The following BMERB1 variants were observed in gnomAD, a reference collection of about 807,000 sequenced individuals.
The protein encoded by BMERB1 is bMERB domain containing 1.
In BMERB1, 12 loss-of-function variants were observed where a neutral mutation model predicts 23.6. The ratio of observed to expected loss-of-function variants is 0.51; its 90% CI spans 0.33 to 0.82. The LOEUF (loss-of-function observed/expected upper bound fraction) is 0.82, where lower values mean the gene tolerates loss of function less well. Ranked by LOEUF, BMERB1 falls within the 40% of genes least tolerant of loss-of-function variation. The pLI, the probability that BMERB1 is intolerant of heterozygous loss-of-function variation, is 0.03. For missense variants in BMERB1, 247 were observed against 255.4 expected (o/e 0.97, Z 0.22); for synonymous variants, 122 against 96.6 (o/e 1.26, Z -1.54).
At chr16:15,441,769 G>A (rs1364769979) in intron 1 of BMERB1, among the ~76,000 whole-genome samples, 1 of 152,114 alleles carries the variant, frequency 6.6e-6, no homozygotes, top group Non-Finnish European at 1.5e-5. Context: ...CAATCTGCCT[G>A]TCTCAGCCTC....
chr16:15,501,255 C>A (rs1287203582), intron 1 of BMERB1, among the ~76,000 whole-genome samples: 2 of 149,614 alleles, frequency 1.3e-5, no homozygotes, highest in East Asian at 3.9e-4. Context: ...GCTGAGACTA[C>A]AGGCATGTGC....
intron 2 of BMERB1, among the ~76,000 whole-genome samples, chr16:15,535,007 G>T (rs1365554729): frequency 6.6e-6 from 1 of 152,110 alleles, no homozygotes; most frequent in African/African-American, 2.4e-5. Context: ...TTTTTCTCAA[G>T]TGAGCTTGAG....
intron 1 of BMERB1, among the ~76,000 whole-genome samples, chr16:15,486,228 T>G (rs972818671): frequency 1.3e-5 from 2 of 149,266 alleles, no homozygotes; most frequent in African/African-American, 2.5e-5. Context: ...AGCCAGGTTG[T>G]TTTGCTCTTA....
intron 2 of BMERB1, among the ~76,000 whole-genome samples, chr16:15,563,036 C>G (rs2030466840): frequency 6.6e-6 from 1 of 152,182 alleles, no homozygotes; most frequent in South Asian, 2.1e-4. Flanking sequence ...GTTTGTATGT[C>G]TGTCTCCTCC....
Position 15,510,150 on chromosome 16 carries a change from G to A in BMERB1, c.107-5155G>A, listed in dbSNP as rs559169286. On this transcript the variant is annotated intron_variant, in intron 1 of 5. Transcript: ENST00000300006. The stretch of plus-strand genomic sequence containing the variant: ...TGACCCTGCCAACACCTTGGTTTCC[G>A]ACTTCTGGCTTCCCGAACTCCAAGA... Among the ~76,000 whole-genome samples the A allele has an allele frequency of 4.6e-5, 7 of 152,260 alleles. 1 individual carries two copies. The South Asian group carries it at 1.2e-3, about 27-fold the overall frequency.
At chr16:15,497,996 T>G (rs2051490834) in intron 1 of BMERB1, among the ~76,000 whole-genome samples, 1 of 152,208 alleles carries the variant, frequency 6.6e-6, no homozygotes, top group Non-Finnish European at 1.5e-5. Flanking sequence ...GTGCTCAATG[T>G]GTGAATCCCC....
chr16:15,572,870 G>T (rs1190082707), intron 3 of BMERB1, among the ~76,000 whole-genome samples: 1 of 152,132 alleles, frequency 6.6e-6, no homozygotes, highest in Non-Finnish European at 1.5e-5. Flanking sequence ...TGGTAGTGAA[G>T]AAGTCTCATG....
intron 2 of BMERB1, among the ~76,000 whole-genome samples, chr16:15,547,015 T>A: frequency 1.6e-5 from 1 of 62,914 alleles, no homozygotes; most frequent in South Asian, 5.4e-4. Context: ...TCTTTTAGCT[T>A]TTTTTTTTTT....
At chr16:15,546,678 T>G (rs1047517809) in intron 2 of BMERB1, among the ~76,000 whole-genome samples, 3 of 152,206 alleles carry the variant, frequency 2.0e-5, no homozygotes, top group Non-Finnish European at 4.4e-5. Context: ...CTTCTTCTAG[T>G]CTAACTAAGG....
chr16:15,496,272 AG>A (rs1391694900), intron 1 of BMERB1, among the ~76,000 whole-genome samples: 4 of 152,102 alleles, frequency 2.6e-5, no homozygotes, highest in Admixed American at 6.6e-5. Flanking sequence ...GATTATGGTG[AG>A]GATAGAGACA....
chr16:15,519,091 A>ACACACG (rs1349415475), intron 2 of BMERB1, among the ~76,000 whole-genome samples: 6 of 151,330 alleles, frequency 4.0e-5, no homozygotes, highest in African/African-American at 1.5e-4. Flanking sequence ...ACACACACAC[A>ACACACG]CACACACACA....
intron 1 of BMERB1, among the ~76,000 whole-genome samples, chr16:15,501,086 A>G (rs907848472): frequency 6.6e-6 from 1 of 152,138 alleles, no homozygotes; most frequent in South Asian, 2.1e-4. Context: ...AATCCTTTAG[A>G]TCTATTGGAT....
chr16:15,436,858 C>A (rs998864509), intron 1 of BMERB1, among the ~76,000 whole-genome samples: 2 of 151,814 alleles, frequency 1.3e-5, no homozygotes, highest in Admixed American at 6.6e-5. Flanking sequence ...CCCTCAACAA[C>A]CTCCTGCAGT....
chr16:15,482,633 C>T (rs901833171), intron 1 of BMERB1, among the ~76,000 whole-genome samples: 2 of 152,122 alleles, frequency 1.3e-5, no homozygotes, highest in African/African-American at 2.4e-5. Flanking sequence ...AGTTTCACAT[C>T]TGGAGGAGGA....
chr16:15,526,492 C>T (rs528844823), intron 2 of BMERB1, among the ~76,000 whole-genome samples: 62 of 151,832 alleles, frequency 4.1e-4, no homozygotes, highest in African/African-American at 9.7e-4. Flanking sequence ...GGCGAAACCC[C>T]GTTTCTACTA....
At chr16:15,542,302 A>G (rs2052094032) in intron 2 of BMERB1, among the ~76,000 whole-genome samples, 2 of 144,800 alleles carry the variant, frequency 1.4e-5, no homozygotes, top group African/African-American at 5.8e-5. Context: ...TGACCTCGTG[A>G]TCTGCCGGCC....
At chr16:15,463,957 C>A (rs542553851) in intron 1 of BMERB1, among the ~76,000 whole-genome samples, 2 of 151,720 alleles carry the variant, frequency 1.3e-5, no homozygotes, top group African/African-American at 4.8e-5. Flanking sequence ...GCTCTCGGAT[C>A]TTGTGCAAGA....
chr16:15,581,184 T>C, intron 3 of BMERB1, 33 bp from the exon 4 acceptor site: 1 of 1,545,514 alleles, frequency 6.5e-7, no homozygotes, highest in Non-Finnish European at 8.8e-7. Flanking sequence ...CCCAAAATGC[T>C]CATCTGTCTC....
intron 5 of BMERB1, chr16:15,583,883 G>T: frequency 1.6e-6 from 1 of 630,124 alleles, no homozygotes; most frequent in Middle Eastern, 2.5e-4. Flanking sequence ...TTTCATATTG[G>T]ATTGAACTCT....
Sources: gnomAD v4.1 joint callset for allele counts (sites outside exome capture counted in the v4.1 genomes callset) on GRCh38, gnomAD v4.1.1 for gene constraint, MANE v1.5 for transcripts, NCBI Gene and HGNC (gene_info 2026-07-23, HGNC 2026-07-21) for gene names.